Variants in GHRL observed in about 807,000 individuals in gnomAD.
GHRL encodes the protein ghrelin and obestatin prepropeptide.
A neutral mutation model predicts 16.9 loss-of-function variants in GHRL; 24 were observed. The ratio of observed to expected loss-of-function variants is 1.42; its 90% CI spans 1.03 to 2.00. The LOEUF (loss-of-function observed/expected upper bound fraction) is 2.00, where lower values mean the gene tolerates loss of function less well. GHRL is among the 30% of genes most tolerant of loss of function. GHRL has a pLI of 0.00. For missense variants in GHRL, 193 were observed against 142.1 expected (o/e 1.36, Z -1.82); for synonymous variants, 63 against 58.2 (o/e 1.08, Z -0.37).
chr3:10,285,934 G>C, intron 5 of GHRL, 40 bp from the exon 6 acceptor site: 1 of 1,588,260 alleles, frequency 6.3e-7, no homozygotes, highest in Non-Finnish European at 8.6e-7. Context: ...TGGGTGCACC[G>C]TCCTGCTAGT....
intron 4 of GHRL, among the ~76,000 whole-genome samples, chr3:10,288,877 G>A (rs1699494269): frequency 6.6e-6 from 1 of 152,166 alleles, no homozygotes; most frequent in African/African-American, 2.4e-5. Flanking sequence ...CTTGTGTCGC[G>A]TCCCTTCCAC....
At chr3:10,288,545 C>T (rs1220673137) in intron 4 of GHRL, among the ~76,000 whole-genome samples, 5 of 152,166 alleles carry the variant, frequency 3.3e-5, no homozygotes, top group African/African-American at 4.8e-5. Context: ...TGGAGCTAGC[C>T]GTCTCACCAG....
chr3:10,287,806 C>G (rs1699295938), intron 4 of GHRL: 1 of 153,370 alleles, frequency 6.5e-6, no homozygotes, highest in Non-Finnish European at 1.5e-5. Flanking sequence ...CAGGTGAGGA[C>G]AGAGGCGCAG....
At chr3:10,289,196 C>T (rs958765464) in intron 4 of GHRL, among the ~76,000 whole-genome samples, 1 of 152,378 alleles carries the variant, frequency 6.6e-6, no homozygotes, top group Admixed American at 6.5e-5. Flanking sequence ...CCCTCCTCCT[C>T]TCCATCCTTG....
intron 4 of GHRL, 54 bp from the exon 5 acceptor site, chr3:10,286,866 C>G: frequency 9.5e-7 from 1 of 1,055,338 alleles, no homozygotes; most frequent in Non-Finnish European, 1.5e-6. Context: ...TGCCCATCCC[C>G]ATCTCAAAGG....
chr3:10,288,874 C>T (rs528863764), intron 4 of GHRL, among the ~76,000 whole-genome samples: 5 of 152,312 alleles, frequency 3.3e-5, no homozygotes, highest in South Asian at 2.1e-4. Flanking sequence ...GACCTTGTGT[C>T]GCGTCCCTTC....
chr3:10,287,913 A>ATTTTTTTTTTTTTTTTT lies in GHRL; in HGVS notation c.226-1102_226-1101insAAAAAAAAAAAAAAAAA, dbSNP rs1576049089. On this transcript the variant is annotated intron_variant, in intron 4 of 5. Transcript: ENST00000335542. ...GACCCAGTGGGGAATGACATGATTG[A>ATTTTTTTTTTTTTTTTT]ATTTTTTTTTTTTTTTTTTTTTTTT... 2.3e-5 allele frequency: 2 copies of ATTTTTTTTTTTTTTTTT among 87,952 alleles called. 1 individual carries two copies. 5.4% of individuals were successfully genotyped at this position (87,952 alleles called of 1,614,324 possible).
intron 4 of GHRL, chr3:10,287,914 ATTTTTTTTT>A (rs1014353877): frequency 2.6e-5 from 2 of 76,782 alleles, no homozygotes; most frequent in African/African-American, 8.6e-5. Context: ...ACATGATTGA[ATTTTTTTTT>A]TTTTTTTTTT....
chr3:10,286,673 A>G (rs1433811579), intron 5 of GHRL, 31 bp downstream of exon 5: 3 of 1,214,754 alleles, frequency 2.5e-6, no homozygotes, highest in Admixed American at 1.7e-5. Context: ...CTGCAAGGAA[A>G]CCGAGCAAAC....
rs1699921031 is a variant in GHRL at position 10,291,000 on chromosome 3, G to A, written c.-314C>T. Reference sequence around the variant, plus strand: ...CCAAGTGGGCATGGCCCTGGTGGAGGAGGGAGGGAGGAGAGTGGCTCTGGG... The same window carrying A: ...CCAAGTGGGCATGGCCCTGGTGGAGAAGGGAGGGAGGAGAGTGGCTCTGGG... On this transcript the variant is annotated 5_prime_UTR_variant, in exon 2 of 6. Transcript: ENST00000335542. 12 of 984,952 alleles carry A rather than the reference G, an allele frequency of 1.2e-5. No homozygotes were observed. Among genetic ancestry groups the A allele is most frequent in the African/African-American group, 1.7e-5 (1 of 57,230 alleles). 61.0% of individuals were successfully genotyped at this position (984,952 alleles called of 1,614,324 possible). A position where few individuals can be genotyped will look rare whatever the true frequency, so the allele number is the denominator to read the frequency against.
intron 4 of GHRL, chr3:10,287,899 G>T (rs1699313824): frequency 6.7e-6 from 1 of 148,724 alleles, no homozygotes; most frequent in South Asian, 2.2e-4. Flanking sequence ...ACCCAGTGGG[G>T]AATGACATGA....
Position 10,285,881 on chromosome 3 carries a change from G to T in GHRL, c.348C>A (p.Asp116Glu), listed in dbSNP as rs1448008288. 1.9e-6 allele frequency: 3 copies of T among 1,613,256 alleles called. No homozygotes were observed. The highest frequency in any genetic ancestry group is 1.7e-5 in the Admixed American group (1 of 59,988). The change falls in exon 6 of 6, where the codon GAC (aspartate) becomes GAA (glutamate). Residue 116 changes from aspartate to glutamate, a missense_variant. Transcript: ENST00000335542. ...LWEEAKEAPADK is the reference protein window; with the variant it reads ...LWEEAKEAPAEK ...GAGTAAGGCTTGTGGGCGATCACTT[G>T]TCGGCTGGGGCCTCTGGAAAGCAAG...
chr3:10,287,112 C>G (rs1320920812), intron 4 of GHRL: 1 of 215,666 alleles, frequency 4.6e-6, no homozygotes, highest in African/African-American at 2.3e-5. Context: ...GATTTTTTTT[C>G]TCCCTTGCAG....
chr3:10,286,658 TG>T, intron 5 of GHRL, 45 bp downstream of exon 5: 1 of 996,506 alleles, frequency 1.0e-6, no homozygotes, highest in Non-Finnish European at 1.6e-6. Flanking sequence ...AACTCCCATG[TG>T]GGGCTGCAAG....
Position 10,290,065 on chromosome 3 carries a change from G to A in GHRL, c.108+8C>T. 6.2e-7 allele frequency: 1 copy of A among 1,610,966 alleles called. No homozygotes were observed. Among genetic ancestry groups the A allele is most frequent in the Non-Finnish European group, 8.5e-7 (1 of 1,178,854 alleles). On this transcript the variant is annotated splice_region_variant and intron_variant, in intron 3 of 5. Coordinates refer to ENST00000335542, the MANE Select transcript of GHRL (RefSeq NM_016362.5). ...AACAACATGTGGGGCTTTGTGGGGA[G>A]GTCTCACCTGGACTCTCTGGTGTTC...
Position 10,289,782 on chromosome 3 carries a change from C to T in GHRL, c.205G>A (p.Glu69Lys). ...PEDGGQAEGA[E>K]DELEVRFNAP... ...CCGACCCGGACTTCCAGTTCATCCT[C>T]TGCCCCTTCTGCTTGACCTCCATCT... The change falls in exon 4 of 6, where the codon GAG becomes AAG. Residue 69 changes from glutamate (E) to lysine (K), a missense_variant. Transcript: ENST00000335542. 6.2e-7 allele frequency: 1 copy of T among 1,609,678 alleles called. No individual in the cohort carries two copies. Among genetic ancestry groups the T allele is most frequent in the Non-Finnish European group, 8.5e-7 (1 of 1,176,148 alleles).
intron 4 of GHRL, among the ~76,000 whole-genome samples, chr3:10,289,243 T>C (rs1454010137): frequency 1.3e-5 from 2 of 152,188 alleles, no homozygotes; most frequent in African/African-American, 4.8e-5. Context: ...ACGCACGATT[T>C]GTCAGAGCAC....
chr3:10,290,382 T>C (rs1056694723), intron 2 of GHRL, 173 bp from the exon 3 acceptor site: 18 of 629,020 alleles, frequency 2.9e-5, no homozygotes, highest in Middle Eastern at 8.9e-4. Flanking sequence ...GGATGTGTGT[T>C]CTCTTCTCCA....
At chr3:10,290,281 C>T (rs1699789404) in intron 2 of GHRL, 72 bp from the exon 3 acceptor site, 17 of 1,459,424 alleles carry the variant, frequency 1.2e-5, no homozygotes, top group East Asian at 2.5e-5. Context: ...AGGTAGGAGC[C>T]CAGCAGATGG....
Sources: allele counts gnomAD v4.1 joint callset (sites outside exome capture counted in the v4.1 genomes callset), GRCh38; gene constraint gnomAD v4.1.1; transcripts MANE v1.5; gene names NCBI Gene and HGNC (gene_info 2026-07-23, HGNC 2026-07-21).